Variants in RAG2 observed in about 807,000 individuals in gnomAD.
RAG2 encodes the protein V(D)J recombination-activating protein 2.
RAG2 carries 16 observed loss-of-function variants against 31.8 expected under a neutral mutation model. The ratio of observed to expected loss-of-function variants is 0.50; its 90% CI spans 0.34 to 0.76. RAG2 has a LOEUF of 0.76. Ranked by LOEUF, RAG2 falls within the 30% of genes least tolerant of loss-of-function variation. The probability of loss-of-function intolerance (pLI) is 0.01; values close to 1 mark genes in which losing one functional copy is unlikely to be tolerated. For missense variants in RAG2, 622 were observed against 628.5 expected (o/e 0.99, Z 0.11); for synonymous variants, 199 against 215.9 (o/e 0.92, Z 0.68).
At chr11:36,591,532 C>A (rs894860029), downstream of RAG2, among the ~76,000 whole-genome samples, 1 of 151,730 alleles carries the variant, frequency 6.6e-6, no homozygotes, top group Non-Finnish European at 1.5e-5. Flanking sequence ...TAGCGAGTGT[C>A]TAATTAGACC....
intron 1 of RAG2, 196 bp from the exon 2 acceptor site, chr11:36,594,391 A>G (rs1851119104): frequency 1.2e-5 from 7 of 588,800 alleles, no homozygotes; most frequent in South Asian, 6.3e-5. Context: ...GAGCTGGGAC[A>G]TGTTTTAGCC....
rs774097244 is a variant in RAG2, at chr11:36,594,012, T to G, written c.157A>C (p.Asn53His). Residue 53 changes from asparagine (N) to histidine (H), a missense_variant, in exon 2 of 2, where the codon AAC becomes CAC. Physicochemically the swap from Asn to His is moderately conservative, Grantham distance 68 (BLOSUM62 1). Coordinates refer to ENST00000311485, the MANE Select transcript of RAG2 (RefSeq NM_000536.4). Reference sequence around the variant, plus strand: ...ATTGTAGGCTTCAGTTTGACATGGTTATGCTTTACATCCAGATGGAAAACT... The same window carrying G: ...ATTGTAGGCTTCAGTTTGACATGGTGATGCTTTACATCCAGATGGAAAACT... ...TGVFHLDVKH[N>H]HVKLKPTIFS... The G allele has an allele frequency of 1.2e-4, 190 of 1,614,104 alleles. No homozygotes were observed. The highest frequency in any genetic ancestry group is 1.6e-4 in the Non-Finnish European group (188 of 1,180,040).
Position 36,593,776 on chromosome 11 carries a change from T to G in RAG2, c.393A>C (p.Gly131=), listed in dbSNP as rs1239959464. Reference sequence around the variant, plus strand: ...GACCATATCTGGCTTCAGGAACATCTCCTACCAAGTCTTTCTCTGTGCAGC... The same window carrying G: ...GACCATATCTGGCTTCAGGAACATCGCCTACCAAGTCTTTCTCTGTGCAGC... ...TFRCTEKDLV[G]DVPEARYGHS... The change falls in exon 2 of 2, where the codon GGA becomes GGC. Residue 131 remains glycine (G), a synonymous_variant. Coordinates refer to ENST00000311485, the MANE Select transcript of RAG2 (RefSeq NM_000536.4). 6 of 1,614,078 alleles carry G rather than the reference T, an allele frequency of 3.7e-6. No individual in the cohort carries two copies. The highest frequency in any genetic ancestry group is 5.1e-6 in the Non-Finnish European group (6 of 1,180,032).
chr11:36,592,399 A>G lies in RAG2; in HGVS notation c.*186T>C, dbSNP rs1012159167. ...TTTGGGTAAAATATTTTCAAAATGT[A>G]TAGGGTCTAGAATGACTTTATTTAT... On this transcript the variant is annotated 3_prime_UTR_variant, in exon 2 of 2. Coordinates refer to ENST00000311485, the MANE Select transcript of RAG2 (RefSeq NM_000536.4). 1.4e-5 allele frequency: 10 copies of G among 720,742 alleles called. No homozygotes were observed. The highest frequency in any genetic ancestry group is 3.0e-5 in the Admixed American group (1 of 33,716). 44.6% of individuals were successfully genotyped at this position (720,742 alleles called of 1,614,324 possible).
chr11:36,596,676 G>T (rs1268454328), intron 1 of RAG2, among the ~76,000 whole-genome samples: 1 of 152,184 alleles, frequency 6.6e-6, no homozygotes, highest in Admixed American at 6.5e-5. Flanking sequence ...CAAAGCCAAG[G>T]CCTGCTTGTT....
chr11:36,594,917 T>C (rs1030404618), intron 1 of RAG2: 5 of 152,160 alleles, frequency 3.3e-5, no homozygotes, highest in African/African-American at 9.7e-5. Context: ...ACCCTGGAGG[T>C]GCTTGGGGCG....
chr11:36,593,503 A>G lies in RAG2; in HGVS notation c.666T>C (p.His222=), dbSNP rs752008728. The change falls in exon 2 of 2, where the codon CAT becomes CAC. Residue 222 remains histidine, a synonymous_variant. Transcript: ENST00000311485. ...KNDTIYILGG[H]SLANNIRPAN... ...CAGGCCGGATATTATTGGCAAGTGA[A>G]TGTCCTCCTAAAATATAGATGGTGT... 8 of 1,614,164 alleles carry G rather than the reference A, an allele frequency of 5.0e-6. No homozygotes were observed. The South Asian group carries it at 7.7e-5, about 16-fold the overall frequency.
rs1289774663 is a variant in RAG2 at position 36,595,899 on chromosome 11, T to C, written c.-27-1704A>G. On this transcript the variant is annotated intron_variant, in intron 1 of 1. Transcript: ENST00000311485. The stretch of plus-strand genomic sequence containing the variant: ...GTCAGTGGGTATAGACAGATAAACA[T>C]TTGAACTAAAAGAATTGGATAAACA... Among the ~76,000 whole-genome samples, 3 of 152,216 alleles carry C rather than the reference T, an allele frequency of 2.0e-5. 1 individual carries two copies. The highest frequency in any genetic ancestry group is 7.2e-5 in the African/African-American group (3 of 41,458).
At chr11:36,596,232 T>TG (rs927827544) in intron 1 of RAG2, among the ~76,000 whole-genome samples, 2 of 150,900 alleles carry the variant, frequency 1.3e-5, no homozygotes, top group African/African-American at 2.4e-5. Flanking sequence ...GTTTTTTTTT[T>TG]TTTTTGCTTT....
chr11:36,593,903 T>C lies in RAG2; in HGVS notation c.266A>G (p.His89Arg), dbSNP rs745913815. The change falls in exon 2 of 2, where the codon CAT becomes CGT. Residue 89 changes from histidine to arginine, a missense_variant. Transcript: ENST00000311485. ...TTTCCCTCCATGGATGATGTATTGATGCTTTTCAGACTCCAAGCTGCCTTT... is the reference window on the plus strand; with the variant it reads ...TTTCCCTCCATGGATGATGTATTGACGCTTTTCAGACTCCAAGCTGCCTTT... ...TFKGSLESEK[H>R]QYIIHGGKTP... 18 of 1,614,138 alleles carry C rather than the reference T, an allele frequency of 1.1e-5. No homozygotes were observed. The highest frequency in any genetic ancestry group is 1.6e-4 in the Middle Eastern group (1 of 6,084).
chr11:36,593,214 CA>C lies in RAG2; in HGVS notation c.954del (p.Phe318LeufsTer31), dbSNP rs2133312873. On this transcript the variant is annotated frameshift_variant, in exon 2 of 2. Coordinates refer to ENST00000311485, the MANE Select transcript of RAG2 (RefSeq NM_000536.4). LOFTEE classifies it high-confidence loss of function. ...TPDIKHSKIW[F>X]GSNMGNGTVF... ...ACAGTTCCATTTCCCATGTTGCTTC[CA>C]AACCATATCTTGCTGTGCTTAATGT... The C allele has an allele frequency of 1.9e-6, 3 of 1,614,168 alleles. No individual in the cohort carries two copies. Among genetic ancestry groups the C allele is most frequent in the Non-Finnish European group, 2.5e-6 (3 of 1,180,040 alleles).
chr11:36,594,149 G>A lies in RAG2; in HGVS notation c.20C>T (p.Thr7Ile). The A allele has an allele frequency of 6.2e-7, 1 of 1,611,748 alleles. No homozygotes were observed. Among genetic ancestry groups the A allele is most frequent in the South Asian group, 1.1e-5 (1 of 91,034 alleles). MSLQMV[T>I]VSNNIALIQP... is the part of the protein sequence containing the mutation. ...AATTAAGGCTATGTTATTACTGACT[G>A]TTACCATCTGCAGAGACATAGTTTC... Residue 7 changes from threonine (T) to isoleucine (I), a missense_variant, in exon 2 of 2, where the codon ACA (threonine) becomes ATA (isoleucine). Thr to Ile is a moderately conservative substitution (Grantham distance 89). Transcript: ENST00000311485.
Position 36,596,222 on chromosome 11 carries a change from G to GGTT in RAG2, c.-28+1879_-28+1880insAAC, listed in dbSNP as rs1554947874. Among the ~76,000 whole-genome samples, 399 of 118,374 alleles carry GGTT rather than the reference G, an allele frequency of 3.4e-3. 4 individuals are homozygous for GGTT. The highest frequency in any genetic ancestry group is 0.012 in the African/African-American group (381 of 32,334). 77.7% of individuals were successfully genotyped at this position (118,374 alleles called of 152,430 possible). On this transcript the variant is annotated intron_variant, in intron 1 of 1. Coordinates refer to ENST00000311485, the MANE Select transcript of RAG2 (RefSeq NM_000536.4). Reference sequence around the variant, plus strand: ...AATGAGATGGTAGTGTTTTTTTTTTGTTTTTTTTTTTTTTTGCTTTAAAGA... The same window carrying GGTT: ...AATGAGATGGTAGTGTTTTTTTTTTGGTTTTTTTTTTTTTTTTTGCTTTAAAGA...
At position 36,594,206 on chromosome 11, in the gene RAG2, T is replaced by C; in HGVS notation, c.-27-11A>G. On this transcript the variant is annotated splice_polypyrimidine_tract_variant and intron_variant, in intron 1 of 1. Transcript: ENST00000311485. ...TACGTAGATTTTTGTCTGAAAGAAT[T>C]ATAAAATAAAATGACTTAGAGATCG... The C allele has an allele frequency of 6.8e-7, 1 of 1,464,186 alleles. No homozygotes were observed. Among genetic ancestry groups the C allele is most frequent in the Non-Finnish European group, 9.6e-7 (1 of 1,044,540 alleles). The allele number at this position is 1,464,186 out of a possible 1,614,324, so 90.7% of individuals were successfully genotyped here.
intron 1 of RAG2, among the ~76,000 whole-genome samples, chr11:36,597,071 C>G (rs1165494746): frequency 2.6e-5 from 4 of 152,168 alleles, no homozygotes; most frequent in Non-Finnish European, 5.9e-5. Flanking sequence ...ATTACCTCCT[C>G]TTGTAACATG....
chr11:36,591,043 A>C (rs1213956918), downstream of RAG2, among the ~76,000 whole-genome samples: 1 of 152,200 alleles, frequency 6.6e-6, no homozygotes, highest in East Asian at 1.9e-4. Context: ...TATTTAGGTA[A>C]CATATCTTAA....
Position 36,596,627 on chromosome 11 carries a change from A to T in RAG2, c.-28+1475T>A, listed in dbSNP as rs1590722867. ...GTGATTACACTCAGCCTGAGTGATT[A>T]TGATCAGAGAGTTGTCCCATTTTGG... On this transcript the variant is annotated intron_variant, in intron 1 of 1. Coordinates refer to ENST00000311485, the MANE Select transcript of RAG2 (RefSeq NM_000536.4). 2.6e-5 allele frequency among the ~76,000 whole-genome samples: 4 copies of T among 152,210 alleles called. No individual in the cohort carries two copies. In the South Asian group the frequency reaches 8.3e-4, roughly 31 times the overall value.
intron 1 of RAG2, among the ~76,000 whole-genome samples, chr11:36,596,204 T>C (rs1851223770): frequency 6.7e-6 from 1 of 148,670 alleles, no homozygotes. Flanking sequence ...TCTAATGAGA[T>C]GGTAGTGTTT....
At chr11:36,594,267 G>A in intron 1 of RAG2, 72 bp from the exon 2 acceptor site, 1 of 1,010,908 alleles carries the variant, frequency 9.9e-7, no homozygotes, top group Non-Finnish European at 1.5e-6. Flanking sequence ...TCCTTCACAT[G>A]TGAATAGCAT....
Sources: gnomAD v4.1 joint callset for allele counts (sites outside exome capture counted in the v4.1 genomes callset) on GRCh38, gnomAD v4.1.1 for gene constraint, MANE v1.5 for transcripts, NCBI Gene and HGNC (gene_info 2026-07-23, HGNC 2026-07-21) for gene names.